Variants in SENP5 observed in about 807,000 individuals in gnomAD.
The protein encoded by SENP5 is sentrin-specific protease 5.
SENP5 carries 21 observed loss-of-function variants against 74.2 expected under a neutral mutation model. The ratio of observed to expected loss-of-function variants is 0.28; its 90% CI spans 0.20 to 0.41. The LOEUF is 0.41. Ranked by LOEUF, SENP5 falls within the 10% of genes least tolerant of loss-of-function variation. The pLI, the probability that SENP5 is intolerant of heterozygous loss-of-function variation, is 1.00. For missense variants in SENP5, 717 were observed against 889.1 expected (o/e 0.81, Z 2.46); for synonymous variants, 311 against 312.7 (o/e 0.99, Z 0.06).
chr3:196,914,262 C>G (rs1715258674), intron 6 of SENP5: 1 of 152,044 alleles, frequency 6.6e-6, no homozygotes, highest in African/African-American at 2.4e-5. Flanking sequence ...ATGAGTGTGG[C>G]TGTGTTTCAA....
chr3:196,896,795 G>T (rs1200844187), intron 2 of SENP5, among the ~76,000 whole-genome samples: 3 of 152,056 alleles, frequency 2.0e-5, no homozygotes, highest in Non-Finnish European at 4.4e-5. Flanking sequence ...ACCCAGGGAG[G>T]CTATAAGAAC....
intron 6 of SENP5, among the ~76,000 whole-genome samples, chr3:196,916,269 G>A (rs1324697014): frequency 6.6e-6 from 1 of 152,088 alleles, no homozygotes; most frequent in Admixed American, 6.5e-5. Context: ...GGAGGTTGCA[G>A]TGAGCCGAGA....
At chr3:196,908,345 G>T (rs1714989967) in intron 6 of SENP5, among the ~76,000 whole-genome samples, 2 of 152,036 alleles carry the variant, frequency 1.3e-5, no homozygotes, top group Admixed American at 1.3e-4. Flanking sequence ...ATAACTCCTG[G>T]GTAAATAAAG....
At chr3:196,891,438 T>C (rs553690388) in intron 2 of SENP5, among the ~76,000 whole-genome samples, 2 of 152,242 alleles carry the variant, frequency 1.3e-5, no homozygotes, top group East Asian at 3.9e-4. Flanking sequence ...AATTTTGTGG[T>C]GTGTGAATCA....
intron 2 of SENP5, among the ~76,000 whole-genome samples, chr3:196,891,080 A>T (rs1003782494): frequency 3.3e-5 from 5 of 152,232 alleles, no homozygotes; most frequent in African/African-American, 1.2e-4. Context: ...TGGATAAATA[A>T]AATTTGGTAT....
In SENP5 at chr3:196,886,087, G is replaced by C. The variant is rs760221156; in HGVS notation, c.906G>C (p.Arg302=). ...CAGAACCTAAAGACCCTTCTTGTCG[G>C]CATCAGCCGTACTTTCCAGATATGG... The part of the protein sequence containing the change: ...PSPEPKDPSC[R]HQPYFPDMDS... Residue 302 remains arginine (R), a synonymous_variant, in exon 2 of 10, where the codon CGG becomes CGC. Coordinates refer to ENST00000323460, the MANE Select transcript of SENP5 (RefSeq NM_152699.5). The C allele has an allele frequency of 6.2e-7, 1 of 1,614,204 alleles. No homozygotes were observed. The highest frequency in any genetic ancestry group is 8.5e-7 in the Non-Finnish European group (1 of 1,180,048).
intron 6 of SENP5, among the ~76,000 whole-genome samples, chr3:196,907,840 C>G (rs539258492): frequency 6.6e-6 from 1 of 151,598 alleles, no homozygotes; most frequent in Non-Finnish European, 1.5e-5. Context: ...GCATGCTGCC[C>G]GTGGGCTGTG....
rs978200307 is a variant in SENP5, at chr3:196,869,672, C to A, written c.-32+1599C>A. Among the ~76,000 whole-genome samples the A allele has an allele frequency of 2.1e-5, 3 of 141,490 alleles. 1 individual carries two copies. The Admixed American group carries it at 2.3e-4, about 11-fold the overall frequency. 92.8% of individuals were successfully genotyped at this position (141,490 alleles called of 152,430 possible). On this transcript the variant is annotated intron_variant, in intron 1 of 9. Coordinates refer to ENST00000323460, the MANE Select transcript of SENP5 (RefSeq NM_152699.5). ...CTACTCGGAAGGCTGAGGCAGGAGA[C>A]TAGCTTGAACCCGGGAGGCGAGGTT... is the stretch of plus-strand genomic sequence containing the variant.
intron 2 of SENP5, among the ~76,000 whole-genome samples, chr3:196,898,482 C>A (rs1163086594): frequency 1.3e-5 from 2 of 151,430 alleles, no homozygotes; most frequent in Admixed American, 6.6e-5. Flanking sequence ...TGCCTATAGT[C>A]CCAGCTAACT....
At chr3:196,884,111 A>G (rs942484148) in intron 1 of SENP5, among the ~76,000 whole-genome samples, 5 of 152,230 alleles carry the variant, frequency 3.3e-5, no homozygotes, top group Non-Finnish European at 7.3e-5. Context: ...AGTTTCATAC[A>G]GCAGATTTTT....
intron 6 of SENP5, among the ~76,000 whole-genome samples, chr3:196,910,768 C>G (rs1435275396): frequency 6.6e-6 from 1 of 152,150 alleles, no homozygotes; most frequent in African/African-American, 2.4e-5. Context: ...ATAGCCAAGA[C>G]AATCCTAAGC....
intron 9 of SENP5, 140 bp from the exon 10 acceptor site, chr3:196,930,673 A>G (rs887037261): frequency 6.5e-6 from 4 of 617,868 alleles, no homozygotes; most frequent in Non-Finnish European, 1.2e-5. Flanking sequence ...AAATTGCCTT[A>G]CACGTAACCA....
At chr3:196,916,681 C>A (rs570834075) in intron 6 of SENP5, among the ~76,000 whole-genome samples, 1 of 152,056 alleles carries the variant, frequency 6.6e-6, no homozygotes, top group East Asian at 2.0e-4. Context: ...GCATGTGCCA[C>A]TATGCCTGGC....
chr3:196,928,172 G>C (rs1715888383), intron 8 of SENP5, among the ~76,000 whole-genome samples: 1 of 152,156 alleles, frequency 6.6e-6, no homozygotes, highest in Admixed American at 6.5e-5. Flanking sequence ...CTTGCCTCTT[G>C]CATCATGGCT....
At chr3:196,882,100 T>C (rs1713752254) in intron 1 of SENP5, among the ~76,000 whole-genome samples, 1 of 152,062 alleles carries the variant, frequency 6.6e-6, no homozygotes, top group Non-Finnish European at 1.5e-5. Flanking sequence ...GGTTTTACCT[T>C]GTTGGCCAGG....
chr3:196,883,911 C>CG lies in SENP5; in HGVS notation c.-31-1239dup, dbSNP rs75440182. On this transcript the variant is annotated intron_variant, in intron 1 of 9. Coordinates refer to ENST00000323460, the MANE Select transcript of SENP5 (RefSeq NM_152699.5). ...TTCACCATGTTGGCCAGTCTGGTCTCGAACTCCTGACCTCAGGTAATCCAT... is the reference window on the plus strand; with the variant it reads ...TTCACCATGTTGGCCAGTCTGGTCTCGGAACTCCTGACCTCAGGTAATCCAT... Among the ~76,000 whole-genome samples, 188 of 152,188 alleles carry CG rather than the reference C, an allele frequency of 1.2e-3. 7 individuals are homozygous for CG. In the East Asian group the frequency reaches 0.031, roughly 25 times the overall value.
At chr3:196,894,060 A>C (rs1397019175) in intron 2 of SENP5, among the ~76,000 whole-genome samples, 2 of 151,862 alleles carry the variant, frequency 1.3e-5, no homozygotes, top group Non-Finnish European at 2.9e-5. Flanking sequence ...TTGTTTCCAC[A>C]TATAAAGTAA....
chr3:196,903,516 T>C lies in SENP5; in HGVS notation c.1807-17T>C. On this transcript the variant is annotated splice_polypyrimidine_tract_variant and intron_variant, in intron 5 of 9. Transcript: ENST00000323460. Reference sequence around the variant, plus strand: ...GCCTAATATAATCTGGTTGCTTGTGTTTGTTGTCTGTTCTAGGTTCACTTC... The same window carrying C: ...GCCTAATATAATCTGGTTGCTTGTGCTTGTTGTCTGTTCTAGGTTCACTTC... 6.4e-7 allele frequency: 1 copy of C among 1,571,494 alleles called. No homozygotes were observed. Among genetic ancestry groups the C allele is most frequent in the Non-Finnish European group, 8.7e-7 (1 of 1,154,832 alleles).
At chr3:196,886,921 AATT>A (rs1205177017) in intron 2 of SENP5, among the ~76,000 whole-genome samples, 1 of 152,176 alleles carries the variant, frequency 6.6e-6, no homozygotes, top group Non-Finnish European at 1.5e-5. Context: ...AGTGCGATGA[AATT>A]ATGTCTTTAC....
Sources: gnomAD v4.1 joint callset for allele counts (sites outside exome capture counted in the v4.1 genomes callset) on GRCh38, gnomAD v4.1.1 for gene constraint, MANE v1.5 for transcripts, NCBI Gene and HGNC (gene_info 2026-07-23, HGNC 2026-07-21) for gene names.